Variants in ANKS1B observed in about 807,000 individuals in gnomAD.
ANKS1B encodes the protein ankyrin repeat and sterile alpha motif domain containing 1B, also known as ankyrin repeat and sterile alpha motif domain-containing protein 1B.
ANKS1B carries 36 observed loss-of-function variants against 148.3 expected under a neutral mutation model. That is an observed-to-expected ratio of 0.24 (90% CI 0.19 to 0.32). The LOEUF is 0.32. ANKS1B is among the 10% of genes least tolerant of loss of function. The probability of loss-of-function intolerance (pLI) is 1.00; values close to 1 mark genes in which losing one functional copy is unlikely to be tolerated. For synonymous variants in ANKS1B, 542 were observed against 560.8 expected (o/e 0.97, Z 0.47); for missense variants, 1,157 against 1,542.6 (o/e 0.75, Z 4.19).
intron 4 of ANKS1B, among the ~76,000 whole-genome samples, chr12:99,795,025 G>T (rs1276342414): frequency 6.6e-6 from 1 of 151,354 alleles, no homozygotes; most frequent in African/African-American, 2.4e-5. Context: ...AATAAGCAAA[G>T]AAGGTAAAAA....
intron 11 of ANKS1B, among the ~76,000 whole-genome samples, chr12:99,411,285 T>C (rs149528928): frequency 1.3e-5 from 2 of 152,310 alleles, no homozygotes; most frequent in Admixed American, 1.3e-4. Flanking sequence ...GTCCCACTTA[T>C]TAGTAAGAAT....
chr12:98,802,833 T>C (rs1331668182), intron 20 of ANKS1B, among the ~76,000 whole-genome samples: 1 of 151,966 alleles, frequency 6.6e-6, no homozygotes, highest in Non-Finnish European at 1.5e-5. Context: ...TACTTTTACA[T>C]TGCTTAATCC....
chr12:99,816,488 T>G (rs2069170521), intron 2 of ANKS1B, among the ~76,000 whole-genome samples: 1 of 151,804 alleles, frequency 6.6e-6, no homozygotes, highest in Non-Finnish European at 1.5e-5. Context: ...TTTAATTAGG[T>G]CCCATTTATT....
At chr12:99,667,151 G>C (rs1175638121) in intron 8 of ANKS1B, among the ~76,000 whole-genome samples, 3 of 152,002 alleles carry the variant, frequency 2.0e-5, no homozygotes, top group African/African-American at 7.3e-5. Context: ...TTCGAGACAA[G>C]CCTGGCCAAC....
chr12:99,825,449 A>C, intron 1 of ANKS1B, 60 bp from the exon 2 acceptor site: 1 of 1,369,454 alleles, frequency 7.3e-7, no homozygotes, highest in Non-Finnish European at 1.0e-6. Context: ...TTGAAAAACA[A>C]AAAGAAGGCT....
At chr12:99,654,728 A>G (rs1370183534) in intron 9 of ANKS1B, among the ~76,000 whole-genome samples, 2 of 152,130 alleles carry the variant, frequency 1.3e-5, no homozygotes, top group South Asian at 2.1e-4. Flanking sequence ...ATGTTTCCTT[A>G]TATCTGTAGA....
Position 99,675,576 on chromosome 12 carries a change from C to A in ANKS1B, c.1129-20366G>T, listed in dbSNP as rs1035128705. ...TTTTTTAATACTTTTCTGAATTTTG[C>A]AAACTTTCAATGATCAATTCAGAAT... On this transcript the variant is annotated intron_variant, in intron 8 of 26. Transcript: ENST00000683438. 2.0e-5 allele frequency among the ~76,000 whole-genome samples: 3 copies of A among 151,576 alleles called. No individual in the cohort carries two copies. The South Asian group carries it at 6.2e-4, about 31-fold the overall frequency.
intron 17 of ANKS1B, among the ~76,000 whole-genome samples, chr12:98,930,916 T>C (rs2099813124): frequency 6.6e-6 from 1 of 151,756 alleles, no homozygotes; most frequent in South Asian, 2.1e-4. Context: ...TAAAAAATAA[T>C]GTGGTGTAAA....
At chr12:99,456,328 GA>G (rs112097955) in intron 10 of ANKS1B, among the ~76,000 whole-genome samples, 57,585 of 151,656 alleles carry the variant, frequency 0.38, 12,341 homozygotes, top group African/African-American at 0.6. Context: ...GAAGGAACCA[GA>G]AAAAAACAAT....
chr12:99,938,125 T>C (rs1447838805), intron 1 of ANKS1B, among the ~76,000 whole-genome samples: 1 of 152,146 alleles, frequency 6.6e-6, no homozygotes, highest in Non-Finnish European at 1.5e-5. Context: ...TACATGACTA[T>C]GTGATTATGT....
intron 17 of ANKS1B, among the ~76,000 whole-genome samples, chr12:98,935,526 T>C (rs1302512721): frequency 6.6e-6 from 1 of 152,234 alleles, no homozygotes; most frequent in East Asian, 1.9e-4. Flanking sequence ...CTTCAAGTTT[T>C]TGGAAGAGTT....
chr12:98,961,780 A>G (rs2099871911), intron 17 of ANKS1B, among the ~76,000 whole-genome samples: 1 of 152,124 alleles, frequency 6.6e-6, no homozygotes, highest in South Asian at 2.1e-4. Flanking sequence ...TACAGTTTTT[A>G]TTAGTTTTCT....
intron 9 of ANKS1B, among the ~76,000 whole-genome samples, chr12:99,555,783 T>C (rs11611858): frequency 0.25 from 38,152 of 151,956 alleles, 5,053 homozygotes; most frequent in East Asian, 0.37. Context: ...AGGGGTAACA[T>C]CTACTTGATC....
chr12:99,179,245 G>A (rs976686960), intron 14 of ANKS1B, among the ~76,000 whole-genome samples: 1 of 151,630 alleles, frequency 6.6e-6, no homozygotes, highest in Non-Finnish European at 1.5e-5. Context: ...TGGCTAACAC[G>A]GTGAAACCCC....
chr12:98,973,034 G>A (rs1196713893), intron 17 of ANKS1B, among the ~76,000 whole-genome samples: 1 of 152,100 alleles, frequency 6.6e-6, no homozygotes, highest in Non-Finnish European at 1.5e-5. Flanking sequence ...CTTTGTGGTT[G>A]GTAACATGGA....
At chr12:99,492,658 C>T (rs2096566542) in intron 10 of ANKS1B, among the ~76,000 whole-genome samples, 1 of 152,158 alleles carries the variant, frequency 6.6e-6, no homozygotes, top group Admixed American at 6.5e-5. Flanking sequence ...CAACAAAATA[C>T]TTGCAAACTT....
At chr12:99,967,070 T>C (rs1253552261) in intron 1 of ANKS1B, among the ~76,000 whole-genome samples, 1 of 152,154 alleles carries the variant, frequency 6.6e-6, no homozygotes, top group Non-Finnish European at 1.5e-5. Context: ...AAATGACTTA[T>C]TATAATGCAA....
rs530671127 is a variant in ANKS1B at position 99,399,680 on chromosome 12, G to A, written c.1707C>T (p.Thr569=). ...FTASPPASPP[T]SSVGTTEVKN... is the part of the protein sequence containing the mutation. ...TGACTTCTGTGGTTCCCACAGAAGA[G>A]GTGGGTGGACTAGCAGGAGGACTGG... The change falls in exon 12 of 27, where the codon ACC becomes ACT. Residue 569 remains threonine (T), a synonymous_variant. Transcript: ENST00000683438. 31 of 1,613,518 alleles carry A rather than the reference G, an allele frequency of 1.9e-5. No individual in the cohort carries two copies. Among genetic ancestry groups the A allele is most frequent in the Admixed American group, 1.7e-4 (10 of 59,980 alleles).
At chr12:99,379,838 C>A (rs2093561831) in intron 12 of ANKS1B, among the ~76,000 whole-genome samples, 3 of 152,184 alleles carry the variant, frequency 2.0e-5, no homozygotes, top group Admixed American at 1.3e-4. Flanking sequence ...ATTTGATTGA[C>A]TTTTTCTGTT....
Sources: gnomAD v4.1 joint callset for allele counts (sites outside exome capture counted in the v4.1 genomes callset) on GRCh38, gnomAD v4.1.1 for gene constraint, MANE v1.5 for transcripts, NCBI Gene and HGNC (gene_info 2026-07-23, HGNC 2026-07-21) for gene names.